CSMD1: variants seen among roughly 807,000 people sequenced by gnomAD.
CSMD1 encodes CUB and Sushi multiple domains 1.
A neutral mutation model predicts 417.5 loss-of-function variants in CSMD1; 213 were observed. The observed-to-expected ratio is 0.51, with a 90% CI of 0.46 to 0.57. CSMD1 has a LOEUF of 0.57. Among genes scored for constraint, CSMD1 ranks in the 20% least tolerant of loss-of-function variants. CSMD1 has a pLI of 0.00. For synonymous variants in CSMD1, 2,862 were observed against 1,736.8 expected (o/e 1.65, Z -16.11); for missense variants, 6,923 against 4,529.7 (o/e 1.53, Z -15.17).
At chr8:4,015,030 C>T (rs1202110404) in intron 4 of CSMD1, among the ~76,000 whole-genome samples, 3 of 152,108 alleles carry the variant, frequency 2.0e-5, no homozygotes, top group Non-Finnish European at 4.4e-5. Flanking sequence ...GAATCTAAGA[C>T]TGATTTTTTT....
rs543138956 is a variant in CSMD1 at position 4,899,402 on chromosome 8, A to C, written c.85+94930T>G. On this transcript the variant is annotated intron_variant, in intron 1 of 69. Transcript: ENST00000635120. ...ACTGAGGAATTATTTGGAAGGATAT[A>C]AACATACTTCTCCCAGGAAGTATTT... is the stretch of plus-strand genomic sequence containing the variant. 2.0e-5 allele frequency among the ~76,000 whole-genome samples: 3 copies of C among 152,360 alleles called. No homozygotes were observed. The South Asian group carries it at 6.2e-4, about 32-fold the overall frequency.
intron 3 of CSMD1, among the ~76,000 whole-genome samples, chr8:4,041,055 C>G (rs1376458042): frequency 4.8e-5 from 6 of 123,904 alleles, no homozygotes; most frequent in South Asian, 2.6e-4. Context: ...CTCGCTCTGT[C>G]GCCCAGGCTG....
At chr8:4,372,702 C>T (rs548457355) in intron 3 of CSMD1, among the ~76,000 whole-genome samples, 1 of 148,278 alleles carries the variant, frequency 6.7e-6, no homozygotes, top group Non-Finnish European at 1.5e-5. Context: ...CAATAGCTAA[C>T]TGAAAGAGTT....
chr8:4,643,269 G>C (rs1803318345), intron 1 of CSMD1, among the ~76,000 whole-genome samples: 2 of 152,208 alleles, frequency 1.3e-5, no homozygotes, highest in African/African-American at 4.8e-5. Flanking sequence ...CTCAGGGGCA[G>C]TGTCGATCCT....
chr8:4,051,540 G>A (rs184475555), intron 3 of CSMD1, among the ~76,000 whole-genome samples: 4 of 152,304 alleles, frequency 2.6e-5, no homozygotes, highest in Admixed American at 6.5e-5. Context: ...CGAATCAGCA[G>A]AGAAAAGCAA....
At chr8:3,711,669 G>A (rs4618717) in intron 6 of CSMD1, among the ~76,000 whole-genome samples, 50,016 of 151,844 alleles carry the variant, frequency 0.33, 8,375 homozygotes, top group East Asian at 0.49. Context: ...CACTTCTGCG[G>A]TTCTCCTGGT....
At chr8:3,867,657 T>C (rs1261382625) in intron 5 of CSMD1, among the ~76,000 whole-genome samples, 1 of 152,150 alleles carries the variant, frequency 6.6e-6, no homozygotes, top group African/African-American at 2.4e-5. Flanking sequence ...GTATAGTATC[T>C]TGGTTAATCT....
chr8:4,496,361 G>A (rs537650036), intron 2 of CSMD1, among the ~76,000 whole-genome samples: 3 of 152,258 alleles, frequency 2.0e-5, no homozygotes, highest in Non-Finnish European at 1.5e-5. Flanking sequence ...GATCAGCAGC[G>A]CAGGAGTCCA....
intron 37 of CSMD1, among the ~76,000 whole-genome samples, chr8:3,165,807 G>C (rs570449102): frequency 2.6e-5 from 4 of 152,244 alleles, no homozygotes; most frequent in East Asian, 1.9e-4. Flanking sequence ...TAGGGCAAGA[G>C]TGGAGCACAG....
At chr8:4,323,647 A>G (rs1474668220) in intron 3 of CSMD1, among the ~76,000 whole-genome samples, 1 of 152,210 alleles carries the variant, frequency 6.6e-6, no homozygotes, top group Non-Finnish European at 1.5e-5. Context: ...GAAAAAACAA[A>G]TAAGGGGCAG....
At chr8:3,814,551 A>C (rs1010483928) in intron 5 of CSMD1, among the ~76,000 whole-genome samples, 1 of 152,132 alleles carries the variant, frequency 6.6e-6, no homozygotes, top group African/African-American at 2.4e-5. Context: ...TGTGGTTGTG[A>C]TATCAGGGTG....
At chr8:4,765,839 T>G (rs2117120573) in intron 1 of CSMD1, among the ~76,000 whole-genome samples, 1 of 152,270 alleles carries the variant, frequency 6.6e-6, no homozygotes, top group South Asian at 2.1e-4. Flanking sequence ...TAGAGAGAGC[T>G]TAGTAACTGG....
chr8:4,529,863 T>C (rs59162832), intron 2 of CSMD1, among the ~76,000 whole-genome samples: 94,386 of 150,424 alleles, frequency 0.63, 30,400 homozygotes, highest in African/African-American at 0.76. Flanking sequence ...CTGCCCATGC[T>C]GCTGCCATTG....
At chr8:3,804,670 A>G (rs749722270) in intron 5 of CSMD1, among the ~76,000 whole-genome samples, 8 of 152,242 alleles carry the variant, frequency 5.3e-5, no homozygotes, top group Admixed American at 1.3e-4. Flanking sequence ...TGAAAGAAAA[A>G]TTAAGAGAAA....
intron 2 of CSMD1, among the ~76,000 whole-genome samples, chr8:4,489,875 G>C (rs1230162376): frequency 6.6e-6 from 1 of 152,244 alleles, no homozygotes; most frequent in South Asian, 2.1e-4. Flanking sequence ...GCCATGCCTT[G>C]CCCAGACTAC....
At chr8:3,741,764 A>C (rs1360784811) in intron 6 of CSMD1, among the ~76,000 whole-genome samples, 1 of 149,846 alleles carries the variant, frequency 6.7e-6, no homozygotes, top group South Asian at 2.1e-4. Flanking sequence ...GGTTGAATTT[A>C]TTTGTGGGAA....
At chr8:3,059,112 C>T (rs545506646) in intron 49 of CSMD1, among the ~76,000 whole-genome samples, 8 of 151,846 alleles carry the variant, frequency 5.3e-5, no homozygotes, top group South Asian at 2.1e-4. Flanking sequence ...CCATAGGAGA[C>T]GCTGCAAGTG....
chr8:4,428,445 G>A (rs1291498519), intron 2 of CSMD1, among the ~76,000 whole-genome samples: 1 of 152,094 alleles, frequency 6.6e-6, no homozygotes, highest in Non-Finnish European at 1.5e-5. Flanking sequence ...ATATGGAAAT[G>A]GTTTTTCACA....
intron 68 of CSMD1, among the ~76,000 whole-genome samples, chr8:2,943,647 A>T (rs1287518296): frequency 2.0e-5 from 3 of 152,246 alleles, no homozygotes; most frequent in Non-Finnish European, 2.9e-5. Flanking sequence ...AGAGGAAAGC[A>T]ATAAAAACTC....
Sources: allele counts gnomAD v4.1 joint callset (sites outside exome capture counted in the v4.1 genomes callset), GRCh38; gene constraint gnomAD v4.1.1; transcripts MANE v1.5; gene names NCBI Gene and HGNC (gene_info 2026-07-23, HGNC 2026-07-21).